CDH23: variants seen among roughly 807,000 people sequenced by gnomAD.
The protein encoded by CDH23 is cadherin-23.
In CDH23, 189 loss-of-function variants were observed where a neutral mutation model predicts 317.1. The observed-to-expected ratio is 0.60, with a 90% CI of 0.53 to 0.67. The LOEUF (loss-of-function observed/expected upper bound fraction) is 0.67. Among genes scored for constraint, CDH23 ranks in the 30% least tolerant of loss-of-function variants. The pLI is 0.00. For synonymous variants in CDH23, 1,839 were observed against 1,876.8 expected (o/e 0.98, Z 0.52); for missense variants, 4,401 against 4,592.4 (o/e 0.96, Z 1.20).
intron 1 of CDH23, among the ~76,000 whole-genome samples, chr10:71,400,580 A>C (rs1231872330): frequency 6.6e-6 from 1 of 152,340 alleles, no homozygotes; most frequent in East Asian, 1.9e-4. Flanking sequence ...CAGGTGGATC[A>C]CTTGAGGCCA....
At chr10:71,764,344 T>A (rs1281099880) in intron 38 of CDH23, among the ~76,000 whole-genome samples, 4 of 151,996 alleles carry the variant, frequency 2.6e-5, no homozygotes, top group Non-Finnish European at 5.9e-5. Context: ...TCACTGATGA[T>A]CACACAGCAA....
rs192319538 is a variant in CDH23 at position 71,711,755 on chromosome 10, A to G, written c.3221-910A>G. On this transcript the variant is annotated intron_variant, in intron 27 of 69. Coordinates refer to ENST00000224721, the MANE Select transcript of CDH23 (RefSeq NM_022124.6). Reference sequence around the variant, plus strand: ...TAAAAGCTCAGATGTTCAATTTCTCATGAGAAATCAGAAGATCTGGTGTCT... The same window carrying G: ...TAAAAGCTCAGATGTTCAATTTCTCGTGAGAAATCAGAAGATCTGGTGTCT... The G allele has an allele frequency of 5.3e-5, 8 of 152,358 alleles. No individual in the cohort carries two copies. The East Asian group carries it at 9.6e-4, about 18-fold the overall frequency. The allele number at this position is 152,358 out of a possible 1,614,324, so 9.4% of individuals were successfully genotyped here. A position where few individuals can be genotyped will look rare whatever the true frequency, so the allele number is the denominator to read the frequency against.
chr10:71,792,473 C>A (rs1267448614), intron 47 of CDH23, among the ~76,000 whole-genome samples: 5 of 152,044 alleles, frequency 3.3e-5, no homozygotes, highest in African/African-American at 7.2e-5. Context: ...CTAATTTAAA[C>A]CTTGTTACAT....
intron 3 of CDH23, among the ~76,000 whole-genome samples, chr10:71,474,816 GC>G (rs1250102050): frequency 6.6e-6 from 1 of 152,242 alleles, no homozygotes; most frequent in Non-Finnish European, 1.5e-5. Flanking sequence ...CAGGTCAAGA[GC>G]CCCGGCTAGC....
chr10:71,517,167 G>T (rs1407977661), intron 6 of CDH23, among the ~76,000 whole-genome samples: 1 of 152,216 alleles, frequency 6.6e-6, no homozygotes, highest in East Asian at 1.9e-4. Flanking sequence ...ACTTTGCTCG[G>T]CCAGCTGGTC....
At position 71,784,934 on chromosome 10, in the gene CDH23, C is replaced by A; in HGVS notation, c.5546C>A (p.Pro1849His). ...IRVLDINDND[P>H]VLLNLPMNIT... ...GTGCTGGACATCAACGACAACGACC[C>A]TGTGCTGCTGAACCTGCCCATGAAC... Residue 1849 changes from proline to histidine, a missense_variant, in exon 43 of 70, where the codon CCT becomes CAT. Coordinates refer to ENST00000224721, the MANE Select transcript of CDH23 (RefSeq NM_022124.6). The A allele has an allele frequency of 6.2e-7, 1 of 1,614,098 alleles. No individual in the cohort carries two copies. The highest frequency in any genetic ancestry group is 1.1e-5 in the South Asian group (1 of 91,090).
intron 11 of CDH23, chr10:71,635,200 A>C (rs1862204603): frequency 6.5e-6 from 1 of 152,684 alleles, no homozygotes. Flanking sequence ...CATTTGCCTT[A>C]ATGCAAGTAC....
chr10:71,463,198 G>A (rs1851091134), intron 3 of CDH23, among the ~76,000 whole-genome samples: 1 of 152,210 alleles, frequency 6.6e-6, no homozygotes, highest in Admixed American at 6.5e-5. Flanking sequence ...GCCGCGTTCT[G>A]AAATTAGATC....
chr10:71,677,691 C>A lies in CDH23; in HGVS notation c.1750C>A (p.Arg584=), dbSNP rs375781856. 3 of 1,556,552 alleles carry A rather than the reference C, an allele frequency of 1.9e-6. No homozygotes were observed. The East Asian group carries it at 7.3e-5, about 38-fold the overall frequency. The part of the protein sequence containing the change: ...EPSVTQLVRL[R]ATDEDSPPNN... ...TTCTGTCACACAGCTGGTGCGGCTC[C>A]GGGTAAGGTGCCAGGGAGCCCTGCA... The change falls in exon 16 of 70, where the codon CGG becomes AGG. Residue 584 remains arginine (R), a splice_region_variant and synonymous_variant. Coordinates refer to ENST00000224721, the MANE Select transcript of CDH23 (RefSeq NM_022124.6).
intron 6 of CDH23, among the ~76,000 whole-genome samples, chr10:71,531,719 A>C (rs1427191576): frequency 6.6e-6 from 1 of 152,060 alleles, no homozygotes; most frequent in East Asian, 1.9e-4. Flanking sequence ...AGCCATAGAC[A>C]ACACCCATAT....
At chr10:71,501,862 C>G (rs1853353438) in intron 3 of CDH23, among the ~76,000 whole-genome samples, 1 of 152,162 alleles carries the variant, frequency 6.6e-6, no homozygotes, top group South Asian at 2.1e-4. Flanking sequence ...GGTTTCCCTT[C>G]TTGCAGGTGG....
chr10:71,616,683 C>A (rs1861207101), intron 10 of CDH23, among the ~76,000 whole-genome samples: 1 of 152,206 alleles, frequency 6.6e-6, no homozygotes, highest in Non-Finnish European at 1.5e-5. Flanking sequence ...TGGGAATGGG[C>A]ACTTTTGGGC....
chr10:71,791,378 G>A (rs560691983), intron 47 of CDH23, 43 bp downstream of exon 47: 21 of 1,560,094 alleles, frequency 1.3e-5, no homozygotes, highest in Middle Eastern at 1.7e-4. Context: ...CCAGGGGCCG[G>A]TTGGTGGTCA....
In CDH23 at chr10:71,622,016, G is replaced by GA. The variant is rs376756194; in HGVS notation, c.1134+4634dup. 6.3e-3 allele frequency among the ~76,000 whole-genome samples: 926 copies of GA among 147,806 alleles called. 10 individuals are homozygous for GA. Among genetic ancestry groups the GA allele is most frequent in the African/African-American group, 0.021 (866 of 40,468 alleles). ...AAATAGCTGGTTGTGATGCAAATCA[G>GA]AAAAAAAAAAATCCAAAAGGCAGAA... is the stretch of plus-strand genomic sequence containing the variant. On this transcript the variant is annotated intron_variant, in intron 11 of 69. Transcript: ENST00000224721.
chr10:71,692,949 A>G (rs572536748), intron 20 of CDH23, among the ~76,000 whole-genome samples: 1 of 152,360 alleles, frequency 6.6e-6, no homozygotes, highest in African/African-American at 2.4e-5. Flanking sequence ...ACGGCTCTGC[A>G]TGGAAGTCAC....
intron 48 of CDH23, among the ~76,000 whole-genome samples, chr10:71,794,266 T>C (rs1841345012): frequency 6.6e-6 from 1 of 152,242 alleles, no homozygotes; most frequent in Admixed American, 6.5e-5. Flanking sequence ...GCCTCCCAAG[T>C]GCTGGGATTA....
chr10:71,450,997 C>T (rs1162909134), intron 3 of CDH23, among the ~76,000 whole-genome samples: 2 of 152,166 alleles, frequency 1.3e-5, no homozygotes, highest in Admixed American at 1.3e-4. Context: ...ATCCTGACCT[C>T]CCCCAGATTC....
intron 1 of CDH23, among the ~76,000 whole-genome samples, chr10:71,434,825 T>C (rs1224360434): frequency 6.6e-6 from 1 of 152,196 alleles, no homozygotes; most frequent in Non-Finnish European, 1.5e-5. Context: ...ATTCTCCTAT[T>C]GCTACTGGTT....
At chr10:71,796,781 C>T (rs1841415956) in intron 48 of CDH23, 4 of 267,492 alleles carry the variant, frequency 1.5e-5, no homozygotes, top group East Asian at 8.4e-5. Flanking sequence ...TTTTCTAATC[C>T]TCAAAATAGT....
Sources: allele counts gnomAD v4.1 joint callset (sites outside exome capture counted in the v4.1 genomes callset), GRCh38; gene constraint gnomAD v4.1.1; transcripts MANE v1.5; gene names NCBI Gene and HGNC (gene_info 2026-07-23, HGNC 2026-07-21).